The following CHST9 variants were observed in gnomAD, a reference collection of about 807,000 sequenced individuals.
The protein encoded by CHST9 is GalNAc-4-sulfotransferase 2.
CHST9 carries 41 observed loss-of-function variants against 44.4 expected under a neutral mutation model. The observed-to-expected ratio is 0.92, with a 90% confidence interval of 0.72 to 1.20. CHST9 has a LOEUF of 1.20. Ranked by LOEUF, CHST9 falls within the 50% of genes most tolerant of loss-of-function variation. The pLI is 0.00. For synonymous variants in CHST9, 171 were observed against 178.4 expected, an observed-to-expected ratio of 0.96 and a Z score of 0.33; for missense variants, 504 against 516.5, an observed-to-expected ratio of 0.98 and a Z score of 0.23.
In CHST9 at chr18:26,917,224, T is replaced by C. The variant is rs1184800230; in HGVS notation, c.367A>G (p.Lys123Glu). The C allele has an allele frequency of 1.2e-6, 2 of 1,613,942 alleles. No homozygotes were observed. Among genetic ancestry groups the C allele is most frequent in the South Asian group, 2.2e-5 (2 of 91,074 alleles). ...HSQGGDQALS[K>E]STGSPTEKLI... The stretch of plus-strand genomic sequence containing the variant: ...TTCTCTGTTGGTGACCCTGTGGACT[T>C]ACTTAAAGCTTGATCCCCTCCTTGT... Residue 123 changes from lysine (K) to glutamate (E), a missense_variant, in exon 6 of 6, where the codon AAG becomes GAG. By Grantham distance (56) the Lys-to-Glu change is moderately conservative. Coordinates refer to ENST00000618847, the MANE Select transcript of CHST9 (RefSeq NM_031422.6).
intron 2 of CHST9, among the ~76,000 whole-genome samples, chr18:27,068,335 T>C (rs2057803954): frequency 1.3e-5 from 2 of 152,180 alleles, no homozygotes; most frequent in South Asian, 4.1e-4. Flanking sequence ...TTTATTTCTT[T>C]TATTTCTTTG....
chr18:27,015,762 T>C (rs1049633857), intron 4 of CHST9, among the ~76,000 whole-genome samples: 3 of 152,188 alleles, frequency 2.0e-5, no homozygotes, highest in Non-Finnish European at 4.4e-5. Context: ...ATGAATTCTT[T>C]AAAACCCTTT....
At chr18:27,083,691 C>T (rs1416599221) in intron 2 of CHST9, among the ~76,000 whole-genome samples, 2 of 152,104 alleles carry the variant, frequency 1.3e-5, no homozygotes, top group Non-Finnish European at 2.9e-5. Flanking sequence ...ATTCATTTGG[C>T]ATGTTTCAAA....
At chr18:27,016,529 T>A (rs1424535839) in intron 4 of CHST9, among the ~76,000 whole-genome samples, 2 of 152,160 alleles carry the variant, frequency 1.3e-5, no homozygotes, top group East Asian at 3.9e-4. Flanking sequence ...TGTACGTTTG[T>A]TTACTTGATT....
rs182791212 is a variant in CHST9, at chr18:27,095,201, T to A, written c.122-46698A>T. Among the ~76,000 whole-genome samples the A allele has an allele frequency of 5.5e-3, 835 of 152,258 alleles. 5 individuals are homozygous for A. Among genetic ancestry groups the A allele is most frequent in the Admixed American group, 8.4e-3 (128 of 15,286 alleles). ...GGTTTGTGAACTGTGCACCACATAT[T>A]TGCAGTCAGGAAACAAGAGCCACTT... On this transcript the variant is annotated intron_variant, in intron 2 of 5. Coordinates refer to ENST00000618847, the MANE Select transcript of CHST9 (RefSeq NM_031422.6).
rs761654722 is a variant in CHST9 at position 26,916,820 on chromosome 18, C to T, written c.771G>A (p.Lys257=). 31 of 1,613,788 alleles carry T rather than the reference C, an allele frequency of 1.9e-5. No individual in the cohort carries two copies. The South Asian group carries it at 3.3e-4, about 17-fold the overall frequency. ...TCCCTTTTAGGTCAAAGCTATCTAG[C>T]TTCTTCAAATGCTTCCCGTAGTGGA... ...NAVHYGKHLK[K]LDSFDLKGIY... The change falls in exon 6 of 6, where the codon AAG becomes AAA. Residue 257 remains lysine (K), a synonymous_variant. Coordinates refer to ENST00000618847, the MANE Select transcript of CHST9 (RefSeq NM_031422.6).
intron 2 of CHST9, among the ~76,000 whole-genome samples, chr18:27,112,617 A>T (rs1598733335): frequency 9.5e-6 from 1 of 105,288 alleles, no homozygotes; most frequent in African/African-American, 3.8e-5. Flanking sequence ...GTGTGTGTGT[A>T]GGATACATAT....
intron 3 of CHST9, among the ~76,000 whole-genome samples, chr18:27,026,236 C>T (rs536985406): frequency 6.6e-6 from 1 of 152,228 alleles, no homozygotes; most frequent in African/African-American, 2.4e-5. Flanking sequence ...TAATTCTTCC[C>T]TGGTCTAGTT....
At chr18:26,933,115 G>A (rs373781184) in intron 5 of CHST9, 9 of 153,768 alleles carry the variant, frequency 5.9e-5, no homozygotes, top group African/African-American at 2.2e-4. Flanking sequence ...AAGAACCTGT[G>A]AGCCAACGTA....
At chr18:27,015,806 A>G (rs62082097) in intron 4 of CHST9, among the ~76,000 whole-genome samples, 2,970 of 152,210 alleles carry the variant, frequency 0.02, 51 homozygotes, top group Non-Finnish European at 0.032. Flanking sequence ...TTTCTCTGCA[A>G]TCCATATTAC....
chr18:27,142,771 G>T lies in CHST9; in HGVS notation c.39C>A (p.Val13=). The change falls in exon 2 of 6, where the codon GTC becomes GTA. Residue 13 remains valine (V), a synonymous_variant. Coordinates refer to ENST00000618847, the MANE Select transcript of CHST9 (RefSeq NM_031422.6). ...PSEMVMNPKQ[V]FLSVLIFGVA... ...CTCCAAATATCAGCACAGAGAGGAAGACTTGTTTGGGGTTCATGACCATTT... is the reference window on the plus strand; with the variant it reads ...CTCCAAATATCAGCACAGAGAGGAATACTTGTTTGGGGTTCATGACCATTT... 6.2e-7 allele frequency: 1 copy of T among 1,611,164 alleles called. No homozygotes were observed. The highest frequency in any genetic ancestry group is 8.5e-7 in the Non-Finnish European group (1 of 1,178,542).
intron 4 of CHST9, among the ~76,000 whole-genome samples, chr18:27,004,531 G>A (rs574833511): frequency 2.6e-4 from 39 of 152,014 alleles, no homozygotes; most frequent in Admixed American, 1.1e-3. Flanking sequence ...TCCTTATGTC[G>A]ATAAATGTAT....
At chr18:27,180,221 C>T (rs1293603422) in intron 1 of CHST9, among the ~76,000 whole-genome samples, 1 of 152,102 alleles carries the variant, frequency 6.6e-6, no homozygotes, top group Non-Finnish European at 1.5e-5. Context: ...TTTTATTTGT[C>T]TTAAATTCAA....
chr18:27,045,634 G>A (rs573902206), intron 3 of CHST9, among the ~76,000 whole-genome samples: 2 of 151,906 alleles, frequency 1.3e-5, no homozygotes, highest in Non-Finnish European at 2.9e-5. Context: ...GCCAAATTTA[G>A]TTTTGATGTT....
chr18:26,982,720 A>G (rs1461547992), intron 4 of CHST9, among the ~76,000 whole-genome samples: 1 of 152,132 alleles, frequency 6.6e-6, no homozygotes, highest in Admixed American at 6.6e-5. Context: ...ACCTCCTTGA[A>G]GTCTCCATTT....
intron 1 of CHST9, among the ~76,000 whole-genome samples, chr18:27,176,871 T>G (rs1477844060): frequency 6.6e-6 from 1 of 152,084 alleles, no homozygotes; most frequent in Non-Finnish European, 1.5e-5. Flanking sequence ...TTCCCTGATC[T>G]GCAAAATCTG....
chr18:27,173,332 G>T (rs1309261961), intron 1 of CHST9, among the ~76,000 whole-genome samples: 5 of 151,992 alleles, frequency 3.3e-5, no homozygotes, highest in Non-Finnish European at 7.4e-5. Context: ...TGTCACTGTA[G>T]CCCTGGCCAG....
intron 4 of CHST9, among the ~76,000 whole-genome samples, chr18:26,989,697 G>A (rs1426324371): frequency 6.6e-6 from 1 of 152,250 alleles, no homozygotes; most frequent in Non-Finnish European, 1.5e-5. Context: ...TGCGCCTGGT[G>A]GCTCATGCCT....
At chr18:27,107,432 C>T (rs2058231375) in intron 2 of CHST9, among the ~76,000 whole-genome samples, 1 of 152,110 alleles carries the variant, frequency 6.6e-6, no homozygotes, top group Admixed American at 6.6e-5. Flanking sequence ...ATAAAAACAG[C>T]AAAGACTTGT....
Sources: gnomAD v4.1 joint callset for allele counts (sites outside exome capture counted in the v4.1 genomes callset) on GRCh38, gnomAD v4.1.1 for gene constraint, MANE v1.5 for transcripts, NCBI Gene and HGNC (gene_info 2026-07-23, HGNC 2026-07-21) for gene names.